IFT81: variants seen among roughly 807,000 people sequenced by gnomAD.
The protein encoded by IFT81 is intraflagellar transport 81.
IFT81 carries 72 observed loss-of-function variants against 102.6 expected under a neutral mutation model. The observed-to-expected ratio is 0.70, with a 90% CI of 0.58 to 0.85. IFT81 has a LOEUF of 0.85. Ranked by LOEUF, IFT81 falls within the 40% of genes least tolerant of loss-of-function variation. IFT81 has a pLI of 0.00. For missense variants in IFT81, 723 were observed against 787.3 expected (o/e 0.92, Z 0.98); for synonymous variants, 237 against 242.7 (o/e 0.98, Z 0.22).
At chr12:110,190,646 C>G (rs117665742) in intron 12 of IFT81, among the ~76,000 whole-genome samples, 1 of 151,798 alleles carries the variant, frequency 6.6e-6, no homozygotes, top group Non-Finnish European at 1.5e-5. Context: ...TTGAATGTAC[C>G]CTATGTTTTA....
At position 110,127,531 on chromosome 12, in the gene IFT81, G is replaced by A; in HGVS notation, c.144+7G>A. The A allele has an allele frequency of 6.3e-7, 1 of 1,580,880 alleles. No individual in the cohort carries two copies. Among genetic ancestry groups the A allele is most frequent in the East Asian group, 2.3e-5 (1 of 44,270 alleles). ...GGCTGAGATTGACCCAAAGGTAAGA[G>A]TTTTCTCTTTCTTTTTGATGGGTAG... On this transcript the variant is annotated splice_region_variant and intron_variant, in intron 2 of 18. Transcript: ENST00000242591.
In IFT81 at chr12:110,180,433, T is replaced by A. The variant is rs908499271; in HGVS notation, c.1200T>A (p.Tyr400Ter). The A allele has an allele frequency of 6.2e-7, 1 of 1,601,084 alleles. No individual in the cohort carries two copies. The highest frequency in any genetic ancestry group is 1.3e-5 in the African/African-American group (1 of 74,760). Residue 400 changes from tyrosine to a stop codon, truncating the protein, a stop_gained, in exon 12 of 19, where the codon TAT (tyrosine) becomes TAA (stop). Transcript: ENST00000242591. LOFTEE classifies it high-confidence loss of function. Reference protein sequence around the residue: ...EVLKGDEFKRYVNKLRSKSTV... With the variant: ...EVLKGDEFKR Reference sequence around the variant, plus strand: ...TGTTTTTTTTACAGTTCAAACGATATGTCAATAAACTTCGAAGCAAGAGTA... The same window carrying A: ...TGTTTTTTTTACAGTTCAAACGATAAGTCAATAAACTTCGAAGCAAGAGTA...
chr12:110,131,080 C>G (rs924567736), intron 4 of IFT81, among the ~76,000 whole-genome samples: 1 of 151,752 alleles, frequency 6.6e-6, no homozygotes, highest in African/African-American at 2.4e-5. Context: ...CTCAGGAGTT[C>G]GAGACCAGCC....
At chr12:110,197,149 G>A (rs933950697) in intron 14 of IFT81, among the ~76,000 whole-genome samples, 1 of 152,146 alleles carries the variant, frequency 6.6e-6, no homozygotes, top group Admixed American at 6.6e-5. Flanking sequence ...AGTGAGACCT[G>A]ATAGCACCAC....
At chr12:110,126,541 A>G (rs1893854503) in intron 1 of IFT81, among the ~76,000 whole-genome samples, 1 of 152,154 alleles carries the variant, frequency 6.6e-6, no homozygotes, top group Admixed American at 6.5e-5. Context: ...AGTGATAGAA[A>G]AACTAAGGAG....
chr12:110,210,317 C>A (rs1869239446), intron 18 of IFT81, among the ~76,000 whole-genome samples: 1 of 152,042 alleles, frequency 6.6e-6, no homozygotes, highest in Non-Finnish European at 1.5e-5. Flanking sequence ...AATTAAATTA[C>A]CTAGATTGAT....
chr12:110,136,593 T>C (rs1894524177), intron 7 of IFT81, among the ~76,000 whole-genome samples, 183 bp from the exon 8 acceptor site: 1 of 152,240 alleles, frequency 6.6e-6, no homozygotes, highest in South Asian at 2.1e-4. Flanking sequence ...AAAAAATGTA[T>C]GTGAAAAGGT....
At chr12:110,209,117 A>G in intron 17 of IFT81, 54 bp from the exon 18 acceptor site, 6 of 962,310 alleles carry the variant, frequency 6.2e-6, no homozygotes, top group African/African-American at 1.7e-5. Flanking sequence ...ATTCACTTGT[A>G]TGATCAAATC....
intron 11 of IFT81, among the ~76,000 whole-genome samples, chr12:110,178,137 G>C (rs1897122513): frequency 6.8e-6 from 1 of 147,586 alleles, no homozygotes. Context: ...ATGTGGGCTG[G>C]GCACAGTTGC....
chr12:110,165,642 G>T (rs1228786487), intron 11 of IFT81, among the ~76,000 whole-genome samples: 1 of 152,142 alleles, frequency 6.6e-6, no homozygotes, highest in Non-Finnish European at 1.5e-5. Flanking sequence ...TTTACTTCTT[G>T]TAAAAGGTGT....
Position 110,203,936 on chromosome 12 carries a change from T to C in IFT81, c.1630T>C (p.Ser544Pro). Residue 544 changes from serine to proline, a missense_variant, in exon 15 of 19, where the codon TCC (serine) becomes CCC (proline). By Grantham distance (74) the Ser-to-Pro change is moderately conservative (BLOSUM62 -1). Transcript: ENST00000242591. ...SCAAGLESNRSKLEQEVRRLR... is the reference protein window; with the variant it reads ...SCAAGLESNRPKLEQEVRRLR... Reference sequence around the variant, plus strand: ...TGCAGCAGGCCTCGAAAGCAATCGGTCCAAATTAGAACAGGTAAGAAGAGA... The same window carrying C: ...TGCAGCAGGCCTCGAAAGCAATCGGCCCAAATTAGAACAGGTAAGAAGAGA... The C allele has an allele frequency of 6.2e-7, 1 of 1,611,780 alleles. No homozygotes were observed. The highest frequency in any genetic ancestry group is 8.5e-7 in the Non-Finnish European group (1 of 1,178,222).
At chr12:110,186,861 CT>C (rs1897556934) in intron 12 of IFT81, among the ~76,000 whole-genome samples, 1 of 152,216 alleles carries the variant, frequency 6.6e-6, no homozygotes, top group African/African-American at 2.4e-5. Context: ...CAATCTCATT[CT>C]GTCCTCTTTT....
At chr12:110,130,977 C>T (rs1228780072) in intron 4 of IFT81, among the ~76,000 whole-genome samples, 2 of 151,972 alleles carry the variant, frequency 1.3e-5, no homozygotes. Flanking sequence ...ATTATTCTGT[C>T]ATTCCCCATC....
chr12:110,139,861 TAAAATATAAAATAAA>T (rs1316732430), intron 8 of IFT81, among the ~76,000 whole-genome samples: 14 of 122,102 alleles, frequency 1.1e-4, no homozygotes, highest in African/African-American at 3.7e-4. Flanking sequence ...TAAAATAAAA[TAAAATATAAAATAAA>T]ATAAAATAAA....
rs1175644698 is a variant in IFT81, at chr12:110,124,685, C to CT, written c.-197dup. ...GAGGCCCGGTCGGGTGTGGGGTCCC[C>CT]TGTCCCCTGTCCCGAGCCCGGGGAG... On this transcript the variant is annotated 5_prime_UTR_variant, in exon 1 of 19. Transcript: ENST00000242591. The CT allele has an allele frequency of 1.3e-5, 2 of 152,312 alleles. No individual in the cohort carries two copies. The highest frequency in any genetic ancestry group is 2.9e-5 in the Non-Finnish European group (2 of 68,124). 9.4% of individuals were successfully genotyped at this position (152,312 alleles called of 1,614,324 possible).
intron 10 of IFT81, among the ~76,000 whole-genome samples, chr12:110,154,402 A>T (rs568206075): frequency 6.6e-6 from 1 of 151,034 alleles, no homozygotes; most frequent in South Asian, 2.1e-4. Context: ...AGGCTGAGGC[A>T]GGCAGATCAC....
intron 11 of IFT81, among the ~76,000 whole-genome samples, chr12:110,179,318 TCTC>T (rs1308767249): frequency 1.3e-5 from 2 of 152,286 alleles, no homozygotes; most frequent in South Asian, 2.1e-4. Context: ...TGGTCATTAA[TCTC>T]CTACTTTTTC....
At chr12:110,174,457 GAAA>G (rs573702387) in intron 11 of IFT81, among the ~76,000 whole-genome samples, 2 of 55,208 alleles carry the variant, frequency 3.6e-5, no homozygotes, top group African/African-American at 1.0e-4. Flanking sequence ...CTCCGTCTCA[GAAA>G]AAAAAAAAAA....
intron 11 of IFT81, among the ~76,000 whole-genome samples, chr12:110,179,786 A>G (rs1294764133): frequency 3.8e-5 from 5 of 132,420 alleles, no homozygotes; most frequent in South Asian, 2.4e-4. Flanking sequence ...ACACACACAC[A>G]CACACACACA....
Sources: allele counts gnomAD v4.1 joint callset (sites outside exome capture counted in the v4.1 genomes callset), GRCh38; gene constraint gnomAD v4.1.1; transcripts MANE v1.5; gene names NCBI Gene and HGNC (gene_info 2026-07-23, HGNC 2026-07-21).